STXBP5L: variants seen among roughly 807,000 people sequenced by gnomAD.
STXBP5L encodes syntaxin binding protein 5L.
In STXBP5L, 65 loss-of-function variants were observed where a neutral mutation model predicts 144.5. The ratio of observed to expected loss-of-function variants is 0.45; its 90% CI spans 0.37 to 0.55. The LOEUF is 0.55. STXBP5L is among the 20% of genes least tolerant of loss of function. The pLI, the probability that STXBP5L is intolerant of heterozygous loss-of-function variation, is 0.00. For missense variants in STXBP5L, 1,298 were observed against 1,405.5 expected (o/e 0.92, Z 1.22); for synonymous variants, 505 against 469.6 (o/e 1.08, Z -0.97).
intron 10 of STXBP5L, among the ~76,000 whole-genome samples, chr3:121,214,290 C>T (rs769472474): frequency 2.4e-4 from 37 of 151,898 alleles, no homozygotes; most frequent in Non-Finnish European, 4.4e-4. Context: ...GTTCTTTTAA[C>T]TGTGATGTTA....
intron 3 of STXBP5L, among the ~76,000 whole-genome samples, chr3:120,970,947 C>G (rs1420529989): frequency 6.6e-6 from 1 of 152,094 alleles, no homozygotes; most frequent in Admixed American, 6.6e-5. Context: ...AATTAAAACC[C>G]TGCCCTGTTG....
At chr3:121,087,858 G>A (rs977210211) in intron 5 of STXBP5L, among the ~76,000 whole-genome samples, 8 of 151,848 alleles carry the variant, frequency 5.3e-5, no homozygotes, top group Non-Finnish European at 1.0e-4. Context: ...GGTTGCTATA[G>A]GTATTTTATT....
chr3:121,187,239 A>C (rs1156555635), intron 9 of STXBP5L, among the ~76,000 whole-genome samples: 1 of 152,152 alleles, frequency 6.6e-6, no homozygotes, highest in East Asian at 1.9e-4. Flanking sequence ...TGATGAGTTC[A>C]TGTCCTTTGT....
chr3:120,978,956 TG>T (rs1455706344), intron 3 of STXBP5L, among the ~76,000 whole-genome samples: 4 of 152,152 alleles, frequency 2.6e-5, no homozygotes, highest in Non-Finnish European at 5.9e-5. Flanking sequence ...CTGCCCTTAC[TG>T]GGGGGTGCCT....
chr3:121,329,852 C>T (rs978306094), intron 20 of STXBP5L, among the ~76,000 whole-genome samples: 3 of 152,062 alleles, frequency 2.0e-5, no homozygotes, highest in African/African-American at 7.2e-5. Context: ...ACAGCAAGAC[C>T]CTGTTCCCCC....
At chr3:121,165,788 G>A (rs900248853) in intron 9 of STXBP5L, among the ~76,000 whole-genome samples, 3 of 152,070 alleles carry the variant, frequency 2.0e-5, no homozygotes, top group African/African-American at 7.2e-5. Flanking sequence ...CGAACTTCCC[G>A]AGGCTCCACC....
rs1485232669 is a variant in STXBP5L at position 121,190,714 on chromosome 3, C to CA, written c.878-15209_878-15208insA. 3.9e-3 allele frequency among the ~76,000 whole-genome samples: 543 copies of CA among 140,622 alleles called. 1 individual carries two copies. Among genetic ancestry groups the CA allele is most frequent in the Non-Finnish European group, 6.8e-3 (417 of 61,344 alleles). 92.3% of individuals were successfully genotyped at this position (140,622 alleles called of 152,430 possible). ...CCACCTCCCTGACGGGGCGGCTGGCCGGGCGGGGGCTGCCCCCCACCTCCC... is the reference window on the plus strand; with the variant it reads ...CCACCTCCCTGACGGGGCGGCTGGCCAGGGCGGGGGCTGCCCCCCACCTCCC... On this transcript the variant is annotated intron_variant, in intron 9 of 26. Coordinates refer to ENST00000471454, the MANE Select transcript of STXBP5L (RefSeq NM_001308330.2).
intron 10 of STXBP5L, 25 bp downstream of exon 10, chr3:121,206,026 G>A: frequency 9.4e-6 from 13 of 1,382,022 alleles, no homozygotes; most frequent in East Asian, 2.6e-5. Context: ...TTTAGGGAAA[G>A]AGGGATACGA....
At chr3:121,073,657 G>A (rs2041900227) in intron 5 of STXBP5L, among the ~76,000 whole-genome samples, 1 of 152,170 alleles carries the variant, frequency 6.6e-6, no homozygotes, top group Admixed American at 6.5e-5. Context: ...AAGCCTTCTT[G>A]ATGTCTTTGA....
intron 19 of STXBP5L, among the ~76,000 whole-genome samples, chr3:121,305,427 A>G (rs2043304079): frequency 6.6e-6 from 1 of 152,152 alleles, no homozygotes; most frequent in African/African-American, 2.4e-5. Flanking sequence ...ATATTAGCAA[A>G]TGGAAGACAA....
chr3:121,071,204 G>A (rs1446538850), intron 5 of STXBP5L, among the ~76,000 whole-genome samples: 1 of 152,100 alleles, frequency 6.6e-6, no homozygotes, highest in Non-Finnish European at 1.5e-5. Context: ...ACCCTTCTAG[G>A]CAACAAGCTT....
chr3:121,077,224 G>A lies in STXBP5L; in HGVS notation c.470+31689G>A, dbSNP rs201135207. On this transcript the variant is annotated intron_variant, in intron 5 of 26. Coordinates refer to ENST00000471454, the MANE Select transcript of STXBP5L (RefSeq NM_001308330.2). The stretch of plus-strand genomic sequence containing the variant: ...ACCCTGTCAAAACAGAAAATCTTCT[G>A]TCTCCACTCCCGGATGGGTCCCCAG... 1.8e-4 allele frequency among the ~76,000 whole-genome samples: 27 copies of A among 152,264 alleles called. No individual in the cohort carries two copies. The East Asian group carries it at 5.0e-3, about 28-fold the overall frequency.
chr3:121,375,969 T>C (rs2108673122), intron 20 of STXBP5L, among the ~76,000 whole-genome samples: 1 of 152,336 alleles, frequency 6.6e-6, no homozygotes, highest in South Asian at 2.1e-4. Context: ...AGACATACTT[T>C]AATGCATTGC....
At chr3:121,109,826 T>C (rs1271338978) in intron 5 of STXBP5L, among the ~76,000 whole-genome samples, 16 of 152,132 alleles carry the variant, frequency 1.1e-4, no homozygotes, top group Non-Finnish European at 1.5e-5. Context: ...AAGTTTCCTA[T>C]TATTATTGTG....
chr3:121,417,355 T>A (rs976757210), intron 25 of STXBP5L, among the ~76,000 whole-genome samples: 2 of 152,136 alleles, frequency 1.3e-5, no homozygotes, highest in Non-Finnish European at 2.9e-5. Flanking sequence ...TTTAAAAAAA[T>A]TAGATTCCAT....
chr3:120,927,808 G>T lies in STXBP5L; in HGVS notation c.189+18041G>T, dbSNP rs572663518. On this transcript the variant is annotated intron_variant, in intron 2 of 26. Transcript: ENST00000471454. ...CTGTATGGGCAGTGAAACAACTTTGGTTGTATGCTGCCATTTTGGAACCTG... is the reference window on the plus strand; with the variant it reads ...CTGTATGGGCAGTGAAACAACTTTGTTTGTATGCTGCCATTTTGGAACCTG... 7.2e-5 allele frequency among the ~76,000 whole-genome samples: 11 copies of T among 152,222 alleles called. No individual in the cohort carries two copies. In the South Asian group the frequency reaches 1.9e-3, roughly 26 times the overall value.
chr3:121,035,478 G>C (rs185064627), intron 3 of STXBP5L, among the ~76,000 whole-genome samples: 2 of 152,162 alleles, frequency 1.3e-5, no homozygotes, highest in East Asian at 3.9e-4. Context: ...TCCTTTCCCA[G>C]TGTATGTTTT....
chr3:120,934,410 C>A (rs1384363686), intron 2 of STXBP5L, among the ~76,000 whole-genome samples: 1 of 151,982 alleles, frequency 6.6e-6, no homozygotes, highest in African/African-American at 2.4e-5. Flanking sequence ...TGTTTTATGG[C>A]CCAGAATGTG....
intron 3 of STXBP5L, among the ~76,000 whole-genome samples, chr3:120,985,976 T>A (rs1044867219): frequency 6.6e-6 from 1 of 152,018 alleles, no homozygotes; most frequent in African/African-American, 2.4e-5. Flanking sequence ...ATTTTGTTGT[T>A]CTTTTTCTAG....
Sources: gnomAD v4.1 joint callset for allele counts (sites outside exome capture counted in the v4.1 genomes callset) on GRCh38, gnomAD v4.1.1 for gene constraint, MANE v1.5 for transcripts, NCBI Gene and HGNC (gene_info 2026-07-23, HGNC 2026-07-21) for gene names.